ARHGAP26: variants seen among roughly 807,000 people sequenced by gnomAD.
ARHGAP26 encodes the protein rho GTPase-activating protein 26.
ARHGAP26 carries 38 observed loss-of-function variants against 104.8 expected under a neutral mutation model. The ratio of observed to expected loss-of-function variants is 0.36; its 90% CI spans 0.28 to 0.48. The LOEUF is 0.48. Ranked by LOEUF, ARHGAP26 falls within the 20% of genes least tolerant of loss-of-function variation. The pLI, the probability that ARHGAP26 is intolerant of heterozygous loss-of-function variation, is 0.99. For missense variants in ARHGAP26, 704 were observed against 947.9 expected, an observed-to-expected ratio of 0.74 and a Z score of 3.38; for synonymous variants, 341 against 340.0, an observed-to-expected ratio of 1.00 and a Z score of -0.03.
At chr5:143,086,489 T>C (rs944480128) in intron 17 of ARHGAP26, among the ~76,000 whole-genome samples, 1 of 152,196 alleles carries the variant, frequency 6.6e-6, no homozygotes, top group African/African-American at 2.4e-5. Flanking sequence ...TAGTGTATCA[T>C]GTAAGCAAGT....
chr5:142,792,832 T>A (rs1435825754), intron 1 of ARHGAP26, among the ~76,000 whole-genome samples: 1 of 152,246 alleles, frequency 6.6e-6, no homozygotes, highest in African/African-American at 2.4e-5. Flanking sequence ...TGATTTCTAC[T>A]ATCTTAATAA....
chr5:142,853,084 G>A (rs774973242), intron 1 of ARHGAP26, among the ~76,000 whole-genome samples: 1 of 152,236 alleles, frequency 6.6e-6, no homozygotes, highest in Non-Finnish European at 1.5e-5. Context: ...AGTGTCAGCT[G>A]ATTCTCAGTT....
intron 20 of ARHGAP26, among the ~76,000 whole-genome samples, chr5:143,204,654 A>G (rs138406499): frequency 6.6e-6 from 1 of 152,300 alleles, no homozygotes; most frequent in African/African-American, 2.4e-5. Flanking sequence ...AGTTCTGGCC[A>G]AAAACCACTT....
chr5:142,982,904 G>A (rs1440623687), intron 11 of ARHGAP26, among the ~76,000 whole-genome samples: 1 of 152,166 alleles, frequency 6.6e-6, no homozygotes, highest in Non-Finnish European at 1.5e-5. Context: ...CCTGTGTGTT[G>A]TCCTGATGTG....
intron 20 of ARHGAP26, among the ~76,000 whole-genome samples, chr5:143,176,105 CTG>C (rs1803436299): frequency 1.3e-5 from 2 of 152,078 alleles, no homozygotes; most frequent in African/African-American, 4.8e-5. Flanking sequence ...CAGAGTGAGA[CTG>C]TGTCTCAAAT....
intron 1 of ARHGAP26, among the ~76,000 whole-genome samples, chr5:142,856,462 T>C (rs1038831034): frequency 4.2e-4 from 64 of 152,228 alleles, no homozygotes; most frequent in African/African-American, 1.5e-3. Flanking sequence ...GGTTTCCTTT[T>C]TTCGTTGTGG....
chr5:143,088,776 G>A (rs950788226), intron 17 of ARHGAP26, among the ~76,000 whole-genome samples: 3 of 152,192 alleles, frequency 2.0e-5, no homozygotes, highest in Non-Finnish European at 4.4e-5. Flanking sequence ...GATCCCTGCC[G>A]CTGTGTCGTT....
At chr5:142,857,111 G>GGTGT (rs1238747951) in intron 1 of ARHGAP26, among the ~76,000 whole-genome samples, 1 of 151,750 alleles carries the variant, frequency 6.6e-6, no homozygotes, top group Non-Finnish European at 1.5e-5. Context: ...TTCTTCCCTG[G>GGTGT]GTGTGTGTGT....
At chr5:143,204,390 G>C (rs923340505) in intron 20 of ARHGAP26, among the ~76,000 whole-genome samples, 1 of 152,074 alleles carries the variant, frequency 6.6e-6, no homozygotes, top group Non-Finnish European at 1.5e-5. Flanking sequence ...CAGGCATGGT[G>C]GGGGGGATCT....
At chr5:142,802,476 T>C (rs960878172) in intron 1 of ARHGAP26, among the ~76,000 whole-genome samples, 2 of 152,226 alleles carry the variant, frequency 1.3e-5, no homozygotes, top group African/African-American at 4.8e-5. Flanking sequence ...TCTTGAATAA[T>C]GTCATTTTGT....
At chr5:142,889,340 C>T (rs146482451) in intron 5 of ARHGAP26, among the ~76,000 whole-genome samples, 1,832 of 152,248 alleles carry the variant, frequency 0.012, 36 homozygotes, top group African/African-American at 0.041. Context: ...AGGCCAGGCA[C>T]GGTGGCTCAT....
intron 5 of ARHGAP26, among the ~76,000 whole-genome samples, chr5:142,885,650 G>T (rs546391948): frequency 1.3e-5 from 2 of 152,250 alleles, no homozygotes; most frequent in Admixed American, 1.3e-4. Context: ...CCACCTCCTT[G>T]TTGGGCTGCC....
intron 1 of ARHGAP26, among the ~76,000 whole-genome samples, chr5:142,786,047 T>C (rs1285765403): frequency 6.6e-6 from 1 of 151,980 alleles, no homozygotes; most frequent in East Asian, 1.9e-4. Flanking sequence ...CATAGCTCAC[T>C]GTACCCTCAG....
intron 1 of ARHGAP26, among the ~76,000 whole-genome samples, chr5:142,790,162 C>CTAGTGGA (rs1332497423): frequency 1.3e-5 from 2 of 152,074 alleles, no homozygotes; most frequent in Non-Finnish European, 2.9e-5. Context: ...GAGCAGGATG[C>CTAGTGGA]TAGTGGATAG....
At chr5:143,045,742 A>G (rs907859807) in intron 14 of ARHGAP26, among the ~76,000 whole-genome samples, 3 of 152,224 alleles carry the variant, frequency 2.0e-5, no homozygotes, top group Non-Finnish European at 4.4e-5. Flanking sequence ...TCATGCCTAT[A>G]ATCCCAGCCC....
chr5:143,072,744 A>G (rs1199492171), intron 17 of ARHGAP26, among the ~76,000 whole-genome samples: 1 of 152,224 alleles, frequency 6.6e-6, no homozygotes, highest in Non-Finnish European at 1.5e-5. Flanking sequence ...TAAAAAGTGA[A>G]AAAAGAAGTT....
chr5:142,963,764 C>G (rs1465477213), intron 11 of ARHGAP26, among the ~76,000 whole-genome samples: 2 of 152,144 alleles, frequency 1.3e-5, no homozygotes, highest in African/African-American at 4.8e-5. Context: ...TCTGTGCAGC[C>G]CACTATGTTT....
intron 11 of ARHGAP26, among the ~76,000 whole-genome samples, chr5:143,002,788 G>A (rs1339029485): frequency 1.3e-5 from 2 of 152,106 alleles, no homozygotes; most frequent in East Asian, 1.9e-4. Context: ...TCCAATCTTC[G>A]GTTGAAAGCT....
chr5:143,108,876 G>T (rs919232748), intron 17 of ARHGAP26, among the ~76,000 whole-genome samples: 1 of 152,222 alleles, frequency 6.6e-6, no homozygotes, highest in African/African-American at 2.4e-5. Flanking sequence ...CTCTTGGGAA[G>T]TGACAAGCTC....
Sources: allele counts gnomAD v4.1 joint callset (sites outside exome capture counted in the v4.1 genomes callset), GRCh38; gene constraint gnomAD v4.1.1; transcripts MANE v1.5; gene names NCBI Gene and HGNC (gene_info 2026-07-23, HGNC 2026-07-21).